The following CTNNA3 variants were observed in gnomAD, a reference collection of about 807,000 sequenced individuals.
CTNNA3 encodes the protein catenin alpha-3.
Under a neutral mutation model 95.7 loss-of-function variants are expected in CTNNA3, and 76 were observed. The ratio of observed to expected loss-of-function variants is 0.79; its 90% confidence interval spans 0.66 to 0.96. The LOEUF is 0.96. CTNNA3 is among the 40% of genes least tolerant of loss of function. CTNNA3 has a pLI of 0.00. For synonymous variants in CTNNA3, 431 were observed against 374.4 expected, an observed-to-expected ratio of 1.15 and a Z score of -1.74; for missense variants, 1,191 against 1,089.8, an observed-to-expected ratio of 1.09 and a Z score of -1.31.
At chr10:67,754,931 C>T (rs1385599065) in intron 1 of CTNNA3, among the ~76,000 whole-genome samples, 1 of 152,120 alleles carries the variant, frequency 6.6e-6, no homozygotes, top group Middle Eastern at 3.2e-3. Flanking sequence ...GACATGGTGT[C>T]TCAAGCCTGT....
At chr10:67,555,361 C>T (rs7478124) in intron 3 of CTNNA3, among the ~76,000 whole-genome samples, 19,869 of 152,118 alleles carry the variant, frequency 0.13, 1,600 homozygotes, top group East Asian at 0.31. Context: ...GCCATTTTCA[C>T]GATATTGATT....
At chr10:67,002,409 T>G (rs1004180681) in intron 7 of CTNNA3, among the ~76,000 whole-genome samples, 3 of 152,178 alleles carry the variant, frequency 2.0e-5, no homozygotes, top group Non-Finnish European at 4.4e-5. Flanking sequence ...GAGAAATGTT[T>G]TAATTTTTAA....
chr10:66,594,362 T>TTG (rs1255803031), intron 10 of CTNNA3, among the ~76,000 whole-genome samples: 1 of 152,174 alleles, frequency 6.6e-6, no homozygotes, highest in Non-Finnish European at 1.5e-5. Context: ...TACTTCCATC[T>TTG]TGTACCCTTA....
intron 12 of CTNNA3, among the ~76,000 whole-genome samples, chr10:66,349,823 G>A (rs1314961352): frequency 1.3e-5 from 2 of 151,924 alleles, no homozygotes; most frequent in Non-Finnish European, 2.9e-5. Context: ...CCATTAAATG[G>A]CTTAATCAAA....
chr10:67,442,262 C>T (rs1179166281), intron 5 of CTNNA3, among the ~76,000 whole-genome samples: 1 of 151,684 alleles, frequency 6.6e-6, no homozygotes, highest in African/African-American at 2.4e-5. Context: ...TTAAATCATA[C>T]CACCAAAGAA....
intron 11 of CTNNA3, among the ~76,000 whole-genome samples, chr10:66,430,563 C>T (rs1313971958): frequency 1.3e-5 from 2 of 152,094 alleles, no homozygotes; most frequent in African/African-American, 4.8e-5. Context: ...ATATACAGAC[C>T]AATGGAACAG....
intron 5 of CTNNA3, among the ~76,000 whole-genome samples, chr10:67,314,585 C>T (rs1840962566): frequency 6.6e-6 from 1 of 152,064 alleles, no homozygotes; most frequent in Admixed American, 6.5e-5. Context: ...AAGTCTTATT[C>T]CCCGAAGGCA....
chr10:66,983,802 A>T (rs1202398163), intron 7 of CTNNA3, among the ~76,000 whole-genome samples: 1 of 152,198 alleles, frequency 6.6e-6, no homozygotes, highest in Non-Finnish European at 1.5e-5. Flanking sequence ...TGCTGTTAAA[A>T]TGTACTACCT....
intron 11 of CTNNA3, among the ~76,000 whole-genome samples, chr10:66,500,770 GT>G (rs1840253192): frequency 6.6e-6 from 1 of 152,066 alleles, no homozygotes; most frequent in Non-Finnish European, 1.5e-5. Context: ...TATTACAACT[GT>G]GCCTGAAAAC....
intron 9 of CTNNA3, among the ~76,000 whole-genome samples, chr10:66,624,814 A>C (rs767751839): frequency 6.6e-6 from 1 of 152,148 alleles, no homozygotes; most frequent in Non-Finnish European, 1.5e-5. Flanking sequence ...AACCAATGGC[A>C]GGGCGACTAT....
At chr10:66,050,701 A>C (rs2079933788) in intron 15 of CTNNA3, among the ~76,000 whole-genome samples, 1 of 152,126 alleles carries the variant, frequency 6.6e-6, no homozygotes, top group African/African-American at 2.4e-5. Flanking sequence ...TGTGCCCTAC[A>C]TTCCATATTC....
intron 11 of CTNNA3, among the ~76,000 whole-genome samples, chr10:66,388,508 T>C (rs1042018994): frequency 1.8e-4 from 27 of 152,122 alleles, no homozygotes; most frequent in African/African-American, 5.5e-4. Context: ...ATAGCAAGAA[T>C]TTTTCTGGTT....
At chr10:66,172,590 A>G (rs892026787) in intron 13 of CTNNA3, among the ~76,000 whole-genome samples, 9 of 152,080 alleles carry the variant, frequency 5.9e-5, no homozygotes, top group African/African-American at 2.2e-4. Context: ...TTGCGAGAAA[A>G]TTTCCAGGTA....
In CTNNA3 at chr10:65,986,546, T is replaced by C. The variant is rs571969003; in HGVS notation, c.2265+2146A>G. Among the ~76,000 whole-genome samples the C allele has an allele frequency of 1.3e-4, 19 of 151,194 alleles. No homozygotes were observed. In the South Asian group the frequency reaches 2.9e-3, roughly 23 times the overall value. On this transcript the variant is annotated intron_variant, in intron 16 of 17. Transcript: ENST00000433211. ...ATCCCTACTATTAAACTATAAAATA[T>C]TGATAAAAGAAATTGAAGAGGAGAC... is the stretch of plus-strand genomic sequence containing the variant.
chr10:67,329,836 G>T (rs916161998), intron 5 of CTNNA3, among the ~76,000 whole-genome samples: 3 of 152,182 alleles, frequency 2.0e-5, no homozygotes, highest in African/African-American at 4.8e-5. Flanking sequence ...CACAAAAAAA[G>T]TCTGGAGGTA....
intron 5 of CTNNA3, among the ~76,000 whole-genome samples, chr10:67,470,790 C>A (rs1453368348): frequency 1.3e-5 from 2 of 151,680 alleles, no homozygotes; most frequent in African/African-American, 4.8e-5. Context: ...TTGTCTTTTT[C>A]TTTTCTTTGA....
At chr10:66,385,327 A>G (rs902417174) in intron 11 of CTNNA3, among the ~76,000 whole-genome samples, 3 of 152,200 alleles carry the variant, frequency 2.0e-5, no homozygotes, top group Non-Finnish European at 4.4e-5. Flanking sequence ...ACGCAAATAA[A>G]CTAGAAAATC....
chr10:66,283,164 C>T (rs1010208952), intron 12 of CTNNA3, among the ~76,000 whole-genome samples: 9 of 151,754 alleles, frequency 5.9e-5, no homozygotes, highest in African/African-American at 2.2e-4. Context: ...AGCAAACCAA[C>T]CGTCAAAACT....
intron 7 of CTNNA3, among the ~76,000 whole-genome samples, chr10:67,090,600 C>A (rs1857573608): frequency 6.6e-6 from 1 of 152,116 alleles, no homozygotes; most frequent in Non-Finnish European, 1.5e-5. Flanking sequence ...CTATCTAAGT[C>A]TTCCTTTTCT....
Sources: allele counts gnomAD v4.1 joint callset (sites outside exome capture counted in the v4.1 genomes callset), GRCh38; gene constraint gnomAD v4.1.1; transcripts MANE v1.5; gene names NCBI Gene and HGNC (gene_info 2026-07-23, HGNC 2026-07-21).